DMD: variants seen among roughly 807,000 people sequenced by gnomAD.
DMD encodes the protein dystrophin, also known as mutant dystrophin.
In DMD, 63 loss-of-function variants were observed where a neutral mutation model predicts 330.1. The ratio of observed to expected loss-of-function variants is 0.19; its 90% confidence interval spans 0.16 to 0.24. DMD has a LOEUF of 0.24. DMD is among the 10% of genes least tolerant of loss of function. The probability of loss-of-function intolerance (pLI) is 1.00; values close to 1 mark genes in which losing one functional copy is unlikely to be tolerated. For missense variants in DMD, 3,344 were observed against 2,684.1 expected, an observed-to-expected ratio of 1.25 and a Z score of -5.43; for synonymous variants, 1,223 against 959.8, an observed-to-expected ratio of 1.27 and a Z score of -5.07.
At chrX:31,207,069 T>C (rs956289893) in intron 65 of DMD, among the ~76,000 whole-genome samples, 3 of 112,001 alleles carry the variant, frequency 2.7e-5, no homozygotes, top group Non-Finnish European at 1.9e-5. Flanking sequence ...GCAAATTACC[T>C]ACTTTGGTCA....
At chrX:31,973,130 C>A (rs1350888300) in intron 44 of DMD, among the ~76,000 whole-genome samples, 2 of 110,169 alleles carry the variant, frequency 1.8e-5, no homozygotes, top group Non-Finnish European at 3.8e-5. Flanking sequence ...AGCACAGCAC[C>A]AGGACCCATT....
intron 2 of DMD, 47 bp from the exon 3 acceptor site, chrX:32,849,867 T>A: frequency 1.1e-6 from 1 of 931,124 alleles, no homozygotes; most frequent in Non-Finnish European, 1.6e-6. Flanking sequence ...ACACTTCCAA[T>A]GATACATTTT....
chrX:31,179,185 A>G (rs1373144483), intron 69 of DMD, among the ~76,000 whole-genome samples: 1 of 112,955 alleles, frequency 8.9e-6, no homozygotes. Context: ...TACTTAGTAC[A>G]AAATGATAGC....
chrX:33,334,229 C>G (rs1278181279), intron 1 of DMD, among the ~76,000 whole-genome samples: 1 of 111,545 alleles, frequency 9.0e-6, no homozygotes, highest in Non-Finnish European at 1.9e-5. Flanking sequence ...TCTCAATAGA[C>G]TAACAGCCAA....
chrX:31,977,194 T>C lies in DMD; in HGVS notation c.6439-8680A>G, dbSNP rs2095442079. 2.7e-5 allele frequency among the ~76,000 whole-genome samples: 3 copies of C among 111,987 alleles called. No homozygotes were observed. In the South Asian group the frequency reaches 1.1e-3, roughly 41 times the overall value. ...GAGCACTGCTCAGCTTAATAATTGC[T>C]TAAGAAATATTTGTTGATAAATTGA... On this transcript the variant is annotated intron_variant, in intron 44 of 78. Transcript: ENST00000357033.
At chrX:31,379,280 A>C (rs1403175773) in intron 60 of DMD, among the ~76,000 whole-genome samples, 1 of 110,997 alleles carries the variant, frequency 9.0e-6, no homozygotes, top group African/African-American at 3.3e-5. Context: ...GTTTCCTTCC[A>C]TGACTAGCCC....
intron 7 of DMD, among the ~76,000 whole-genome samples, chrX:32,704,487 A>G (rs1169574814): frequency 8.9e-6 from 1 of 112,007 alleles, no homozygotes; most frequent in Non-Finnish European, 1.9e-5. Context: ...ATTTCAGGCC[A>G]AGTTTCTGCC....
intron 25 of DMD, among the ~76,000 whole-genome samples, chrX:32,457,938 T>A (rs767825702): frequency 3.2e-4 from 36 of 111,215 alleles, no homozygotes; most frequent in Admixed American, 9.6e-4. Context: ...AAAGTATACA[T>A]GTTTTATAAT....
intron 66 of DMD, among the ~76,000 whole-genome samples, chrX:31,205,314 G>A (rs1048010797): frequency 6.3e-5 from 7 of 111,765 alleles, no homozygotes; most frequent in African/African-American, 2.3e-4. Flanking sequence ...GAGATTGTAC[G>A]CACAGCTTTT....
intron 45 of DMD, among the ~76,000 whole-genome samples, chrX:31,951,857 A>G (rs1785597129): frequency 9.0e-6 from 1 of 111,290 alleles, no homozygotes; most frequent in African/African-American, 3.3e-5. Context: ...TTTCAGCCTG[A>G]ATGACTTTAT....
At chrX:32,320,364 T>G in intron 41 of DMD, among the ~76,000 whole-genome samples, 1 of 111,856 alleles carries the variant, frequency 8.9e-6, no homozygotes, top group Non-Finnish European at 1.9e-5. Context: ...CACTATCCCG[T>G]ATGGTAGTCA....
At chrX:31,387,319 G>A (rs1329642085) in intron 60 of DMD, among the ~76,000 whole-genome samples, 1 of 112,114 alleles carries the variant, frequency 8.9e-6, no homozygotes, top group Non-Finnish European at 1.9e-5. Flanking sequence ...AAATAGCTGT[G>A]TCATCTTGGC....
chrX:32,453,078 C>A (rs986365454), intron 26 of DMD, among the ~76,000 whole-genome samples: 3 of 111,143 alleles, frequency 2.7e-5, no homozygotes, highest in Non-Finnish European at 5.7e-5. Flanking sequence ...CATCCTACCA[C>A]CCTCAAATCC....
At chrX:32,410,879 A>G (rs1334256057) in intron 30 of DMD, among the ~76,000 whole-genome samples, 1 of 112,242 alleles carries the variant, frequency 8.9e-6, no homozygotes, top group Non-Finnish European at 1.9e-5. Flanking sequence ...TTTCAACACT[A>G]TTTTAATTCT....
At chrX:32,142,889 T>C (rs989614252) in intron 44 of DMD, among the ~76,000 whole-genome samples, 6 of 112,098 alleles carry the variant, frequency 5.4e-5, no homozygotes, top group Admixed American at 9.5e-5. Flanking sequence ...TAGTCAATCA[T>C]TGAGTATTCA....
chrX:33,183,418 G>A (rs1419740889), intron 1 of DMD, among the ~76,000 whole-genome samples: 2 of 111,798 alleles, frequency 1.8e-5, no homozygotes, highest in Non-Finnish European at 3.8e-5. Context: ...CCAACTCTCA[G>A]CTATTTGTCA....
In DMD at chrX:33,194,510, T is replaced by C. The variant is rs763409538; in HGVS notation, c.31+16772A>G. Among the ~76,000 whole-genome samples, 34 of 111,401 alleles carry C rather than the reference T, an allele frequency of 3.1e-4. No individual in the cohort carries two copies. In the South Asian group the frequency reaches 3.4e-3, roughly 11 times the overall value. On this transcript the variant is annotated intron_variant, in intron 1 of 78. Coordinates refer to ENST00000357033, the MANE Select transcript of DMD (RefSeq NM_004006.3). ...ATTATGGAACTATCATCATAAAAAT[T>C]GTCATAGATAAGAACAAAGATACTA...
chrX:31,205,891 T>G (rs1252580844), intron 66 of DMD, among the ~76,000 whole-genome samples: 1 of 112,294 alleles, frequency 8.9e-6, no homozygotes, highest in African/African-American at 3.2e-5. Context: ...CTGAAAAGAT[T>G]GCTTATAAGC....
chrX:32,565,357 G>A (rs1295563293), intron 16 of DMD, among the ~76,000 whole-genome samples: 1 of 111,673 alleles, frequency 9.0e-6, no homozygotes, highest in Admixed American at 9.6e-5. Flanking sequence ...GTAAAACGGA[G>A]TTGGCTAATG....
Sources: allele counts gnomAD v4.1 joint callset (sites outside exome capture counted in the v4.1 genomes callset), GRCh38; gene constraint gnomAD v4.1.1; transcripts MANE v1.5; gene names NCBI Gene and HGNC (gene_info 2026-07-23, HGNC 2026-07-21).